NRXN1: variants seen among roughly 807,000 people sequenced by gnomAD.
NRXN1 encodes the protein neurexin 1, also known as neurexin-1.
NRXN1 carries 39 observed loss-of-function variants against 150.9 expected under a neutral mutation model. That is an observed-to-expected ratio of 0.26 (90% confidence interval 0.20 to 0.34). NRXN1 has a LOEUF of 0.34. Ranked by LOEUF, NRXN1 falls within the 10% of genes least tolerant of loss-of-function variation. The probability of loss-of-function intolerance (pLI) is 1.00; values close to 1 mark genes in which losing one functional copy is unlikely to be tolerated. For synonymous variants in NRXN1, 924 were observed against 757.0 expected, an observed-to-expected ratio of 1.22 and a Z score of -3.62; for missense variants, 1,815 against 1,949.9, an observed-to-expected ratio of 0.93 and a Z score of 1.30.
chr2:50,927,302 T>C (rs1687052167), intron 2 of NRXN1, among the ~76,000 whole-genome samples: 2 of 152,016 alleles, frequency 1.3e-5, no homozygotes, highest in South Asian at 4.1e-4. Context: ...AATTGAAGTA[T>C]CAACACAGGC....
chr2:50,332,144 C>T (rs1259111838), intron 17 of NRXN1, among the ~76,000 whole-genome samples: 2 of 152,070 alleles, frequency 1.3e-5, no homozygotes. Flanking sequence ...AAATCACAGG[C>T]AATGGAAGGA....
At chr2:50,653,820 C>T (rs1029351531) in intron 5 of NRXN1, among the ~76,000 whole-genome samples, 1 of 151,932 alleles carries the variant, frequency 6.6e-6, no homozygotes, top group Admixed American at 6.6e-5. Flanking sequence ...CACTAAGCTG[C>T]GGTCATTTCC....
At chr2:50,016,347 A>T (rs1219172449) in intron 21 of NRXN1, among the ~76,000 whole-genome samples, 15 of 152,266 alleles carry the variant, frequency 9.9e-5, no homozygotes, top group African/African-American at 3.6e-4. Flanking sequence ...TGAGAGAAGG[A>T]ACTCAAATAG....
At chr2:50,548,463 A>G (rs2093542099) in intron 9 of NRXN1, among the ~76,000 whole-genome samples, 1 of 152,222 alleles carries the variant, frequency 6.6e-6, no homozygotes, top group Non-Finnish European at 1.5e-5. Flanking sequence ...CTTACAGTTA[A>G]AAAAGTTGCA....
intron 21 of NRXN1, among the ~76,000 whole-genome samples, chr2:49,993,193 G>A (rs1682323391): frequency 6.6e-6 from 1 of 152,046 alleles, no homozygotes; most frequent in African/African-American, 2.4e-5. Context: ...GTAAATAAAT[G>A]GTGGTACACC....
chr2:50,096,733 T>G (rs370823178), intron 18 of NRXN1, among the ~76,000 whole-genome samples: 2 of 152,190 alleles, frequency 1.3e-5, no homozygotes, highest in African/African-American at 4.8e-5. Context: ...AATTATTGAT[T>G]TTTTTACAAA....
intron 21 of NRXN1, among the ~76,000 whole-genome samples, chr2:50,008,888 T>C (rs1685195014): frequency 6.6e-6 from 1 of 152,108 alleles, no homozygotes; most frequent in Non-Finnish European, 1.5e-5. Context: ...AGGGGGTGTA[T>C]GTTTGGTTGT....
intron 5 of NRXN1, among the ~76,000 whole-genome samples, chr2:50,669,143 A>T (rs546840118): frequency 6.6e-6 from 1 of 151,942 alleles, no homozygotes; most frequent in Admixed American, 6.6e-5. Context: ...ATAACAAACA[A>T]TGCATTTGGG....
intron 17 of NRXN1, among the ~76,000 whole-genome samples, chr2:50,408,470 G>A (rs889927481): frequency 1.3e-5 from 2 of 152,182 alleles, no homozygotes; most frequent in African/African-American, 4.8e-5. Context: ...AGGGCTTGGT[G>A]GAACAGTCTG....
At chr2:50,786,649 G>A (rs1301502019) in intron 5 of NRXN1, among the ~76,000 whole-genome samples, 4 of 152,088 alleles carry the variant, frequency 2.6e-5, no homozygotes, top group African/African-American at 4.8e-5. Context: ...ATTTTGATCC[G>A]AGACACATCT....
At chr2:50,093,561 G>A (rs760262955) in intron 18 of NRXN1, among the ~76,000 whole-genome samples, 5 of 151,898 alleles carry the variant, frequency 3.3e-5, no homozygotes, top group African/African-American at 9.7e-5. Flanking sequence ...CTTGAGCCCC[G>A]GAGGCTGAGG....
At chr2:50,629,900 C>T (rs1039086720) in intron 5 of NRXN1, among the ~76,000 whole-genome samples, 2 of 144,920 alleles carry the variant, frequency 1.4e-5, no homozygotes, top group Admixed American at 7.1e-5. Flanking sequence ...GTTTGAAGAT[C>T]CATATCTTAA....
chr2:50,042,702 A>G (rs370031399), intron 21 of NRXN1, among the ~76,000 whole-genome samples: 45 of 141,298 alleles, frequency 3.2e-4, no homozygotes, highest in African/African-American at 1.2e-3. Context: ...ACATTAAGAC[A>G]AAGGTCTTGA....
At chr2:50,609,693 T>TA (rs34126368) in intron 8 of NRXN1, among the ~76,000 whole-genome samples, 17,742 of 152,168 alleles carry the variant, frequency 0.12, 1,388 homozygotes, top group Non-Finnish European at 0.17. Flanking sequence ...GAGTTATCTA[T>TA]AAAAAGTTAT....
rs900401370 is a variant in NRXN1 at position 50,950,258 on chromosome 2, G to T, written c.773-24303C>A. ...ATACTTCAAGTAGGAAAACTATACA[G>T]AAGGGAAAATAGAAATGTGTGGACT... is the stretch of plus-strand genomic sequence containing the variant. On this transcript the variant is annotated intron_variant, in intron 2 of 22. Coordinates refer to ENST00000401669, the MANE Select transcript of NRXN1 (RefSeq NM_001330078.2). Among the ~76,000 whole-genome samples, 4 of 152,076 alleles carry T rather than the reference G, an allele frequency of 2.6e-5. No homozygotes were observed. The East Asian group carries it at 7.7e-4, about 29-fold the overall frequency.
intron 18 of NRXN1, among the ~76,000 whole-genome samples, chr2:50,111,855 C>A (rs2152725811): frequency 6.6e-6 from 1 of 152,276 alleles, no homozygotes; most frequent in South Asian, 2.1e-4. Context: ...CACCTTTCAG[C>A]TATCTAGTTT....
chr2:50,054,856 G>A (rs566884469), intron 20 of NRXN1, 99 bp downstream of exon 20: 26 of 754,686 alleles, frequency 3.4e-5, no homozygotes, highest in Non-Finnish European at 4.5e-5. Context: ...TTAGTTTTAC[G>A]GAAAATTTAT....
At chr2:50,112,208 C>T (rs1037018631) in intron 18 of NRXN1, among the ~76,000 whole-genome samples, 3 of 152,144 alleles carry the variant, frequency 2.0e-5, no homozygotes, top group African/African-American at 4.8e-5. Flanking sequence ...GTTGCCTTTG[C>T]TTAAACCTTT....
At chr2:50,475,842 G>A (rs1255860188) in intron 15 of NRXN1, among the ~76,000 whole-genome samples, 2 of 150,246 alleles carry the variant, frequency 1.3e-5, no homozygotes, top group Admixed American at 6.7e-5. Context: ...CAAAGATGCA[G>A]GTTCTCTTTT....
Sources: allele counts gnomAD v4.1 joint callset (sites outside exome capture counted in the v4.1 genomes callset), GRCh38; gene constraint gnomAD v4.1.1; transcripts MANE v1.5; gene names NCBI Gene and HGNC (gene_info 2026-07-23, HGNC 2026-07-21).